The following NCOA6 variants were observed in gnomAD, a reference collection of about 807,000 sequenced individuals.
NCOA6 encodes the protein NRC RAP250.
Under a neutral mutation model 171.4 loss-of-function variants are expected in NCOA6, and 49 were observed. The observed-to-expected ratio is 0.29, with a 90% CI of 0.23 to 0.36. The LOEUF (loss-of-function observed/expected upper bound fraction) is 0.36. Among genes scored for constraint, NCOA6 ranks in the 10% least tolerant of loss-of-function variants. The probability of loss-of-function intolerance (pLI) is 1.00; values close to 1 mark genes in which losing one functional copy is unlikely to be tolerated. For missense variants in NCOA6, 2,248 were observed against 2,554.5 expected (o/e 0.88, Z 2.59); for synonymous variants, 910 against 927.5 (o/e 0.98, Z 0.34).
At chr20:34,724,987 C>T (rs947905437) in intron 14 of NCOA6, among the ~76,000 whole-genome samples, 3 of 152,056 alleles carry the variant, frequency 2.0e-5, no homozygotes, top group African/African-American at 4.8e-5. Flanking sequence ...GGGGGTTTCA[C>T]CATGTTGGTC....
intron 1 of NCOA6, among the ~76,000 whole-genome samples, chr20:34,807,074 T>C (rs943013785): frequency 6.6e-6 from 1 of 152,202 alleles, no homozygotes; most frequent in African/African-American, 2.4e-5. Context: ...GAAAATGTGA[T>C]AGGATGCCAC....
intron 3 of NCOA6, 86 bp downstream of exon 3, chr20:34,782,035 C>T: frequency 1.0e-6 from 1 of 967,128 alleles, no homozygotes. Flanking sequence ...ATTTAACAAG[C>T]TTGTTTTGTA....
Position 34,728,815 on chromosome 20 carries a change from A to T in NCOA6, c.6000-1408T>A, listed in dbSNP as rs531408774. The stretch of plus-strand genomic sequence containing the variant: ...TTGTAGATTATTTAATGACAAAACG[A>T]TTTATGACACATTACCAAGTGGGAA... On this transcript the variant is annotated intron_variant, in intron 13 of 14. Coordinates refer to ENST00000359003, the MANE Select transcript of NCOA6 (RefSeq NM_014071.5). Among the ~76,000 whole-genome samples the T allele has an allele frequency of 2.0e-5, 3 of 152,348 alleles. No homozygotes were observed. The South Asian group carries it at 6.2e-4, about 32-fold the overall frequency.
In NCOA6 at chr20:34,742,784, G is replaced by C. The variant is rs763690019; in HGVS notation, c.3472C>G (p.Gln1158Glu). ...GGCCCTGTCATCATTAACTGATTCT[G>C]GGGAAGTACTACATGTGAAGGCATG... The part of the protein sequence containing the change: ...NNMPSHVVLP[Q>E]NQLMMTGPKP... Residue 1158 changes from glutamine to glutamate, a missense_variant, in exon 11 of 15, where the codon CAG (glutamine) becomes GAG (glutamate). Coordinates refer to ENST00000359003, the MANE Select transcript of NCOA6 (RefSeq NM_014071.5). The C allele has an allele frequency of 3.1e-6, 5 of 1,614,042 alleles. No homozygotes were observed. In the Admixed American group the frequency reaches 8.3e-5, roughly 27 times the overall value.
intron 1 of NCOA6, among the ~76,000 whole-genome samples, chr20:34,798,530 CT>C (rs2078156604): frequency 6.6e-6 from 1 of 152,212 alleles, no homozygotes; most frequent in South Asian, 2.1e-4. Flanking sequence ...CAGTGCTGTG[CT>C]GGCTTTAGGT....
intron 3 of NCOA6, chr20:34,776,791 T>C (rs758753353): frequency 3.4e-5 from 16 of 470,094 alleles, no homozygotes; most frequent in Non-Finnish European, 6.8e-5. Context: ...CGGAAAGCCG[T>C]AAGATGGAGA....
chr20:34,803,380 A>G (rs1303668152), intron 1 of NCOA6, among the ~76,000 whole-genome samples: 1 of 151,734 alleles, frequency 6.6e-6, no homozygotes, highest in Non-Finnish European at 1.5e-5. Flanking sequence ...AGGCAGGAGA[A>G]TCACATGAAC....
intron 2 of NCOA6, among the ~76,000 whole-genome samples, chr20:34,790,476 T>A (rs888521422): frequency 2.0e-5 from 3 of 151,948 alleles, no homozygotes; most frequent in African/African-American, 7.3e-5. Context: ...TGCCTCAACC[T>A]CCCGAGCAGC....
chr20:34,824,958 C>T (rs527570431), intron 1 of NCOA6, among the ~76,000 whole-genome samples: 163 of 152,276 alleles, frequency 1.1e-3, no homozygotes, highest in African/African-American at 3.8e-3. Context: ...GCCTCCACCC[C>T]AATCCCCAGG....
intron 5 of NCOA6, among the ~76,000 whole-genome samples, chr20:34,764,232 C>T (rs1050268052): frequency 2.0e-5 from 3 of 151,950 alleles, no homozygotes; most frequent in Admixed American, 1.3e-4. Context: ...GGACTACAGG[C>T]GTCCGCCACC....
chr20:34,784,503 G>A (rs747835002), intron 2 of NCOA6, among the ~76,000 whole-genome samples: 2 of 152,146 alleles, frequency 1.3e-5, no homozygotes, highest in African/African-American at 2.4e-5. Context: ...TGGGATTACA[G>A]GCATGAGCTA....
At chr20:34,764,434 C>T (rs1036511287) in intron 5 of NCOA6, among the ~76,000 whole-genome samples, 4 of 152,122 alleles carry the variant, frequency 2.6e-5, no homozygotes, top group East Asian at 3.9e-4. Flanking sequence ...TGGCTCACGC[C>T]TGTAATTCCA....
Position 34,715,184 on chromosome 20 carries a change from G to A in NCOA6, c.*138C>T. The A allele has an allele frequency of 9.0e-7, 1 of 1,108,444 alleles. No homozygotes were observed. The highest frequency in any genetic ancestry group is 1.5e-5 in the African/African-American group (1 of 65,054). 68.7% of individuals were successfully genotyped at this position (1,108,444 alleles called of 1,614,324 possible). On this transcript the variant is annotated 3_prime_UTR_variant, in exon 15 of 15. Transcript: ENST00000359003. ...TTTCCCCATTGCACTTTATGAAACAGGTTGCAGGGACTAGGAAAAGGGCCA... is the reference window on the plus strand; with the variant it reads ...TTTCCCCATTGCACTTTATGAAACAAGTTGCAGGGACTAGGAAAAGGGCCA...
intron 5 of NCOA6, among the ~76,000 whole-genome samples, chr20:34,764,841 C>T (rs1183270837): frequency 3.3e-5 from 5 of 151,754 alleles, no homozygotes; most frequent in South Asian, 4.2e-4. Flanking sequence ...GGGCTTGGTG[C>T]GGTGGCTCAC....
Position 34,742,035 on chromosome 20 carries a change from T to G in NCOA6, c.4221A>C (p.Ala1407=). 2 of 1,614,162 alleles carry G rather than the reference T, an allele frequency of 1.2e-6. No individual in the cohort carries two copies. Among genetic ancestry groups the G allele is most frequent in the Non-Finnish European group, 1.7e-6 (2 of 1,180,022 alleles). ...NPQNSTVSVA[A]VGGVVEDNKE... ...TGTTATCCTCAACAACACCCCCAAC[T>G]GCAGCCACAGACACAGTAGAATTCT... Residue 1407 remains alanine, a synonymous_variant, in exon 11 of 15, where the codon GCA becomes GCC. Transcript: ENST00000359003.
rs371930057 is a variant in NCOA6 at position 34,742,143 on chromosome 20, C to T, written c.4113G>A (p.Pro1371=). 2.1e-5 allele frequency: 34 copies of T among 1,614,026 alleles called. No individual in the cohort carries two copies. Among genetic ancestry groups the T allele is most frequent in the African/African-American group, 1.9e-4 (14 of 74,910 alleles). ...GAGTGGGACTGACCAATACATTTCTCGGCAACTCCACATTCTGCAATAGGG... is the reference window on the plus strand; with the variant it reads ...GAGTGGGACTGACCAATACATTTCTTGGCAACTCCACATTCTGCAATAGGG... ...NAALLQNVEL[P]RNVLVSPTPL... The change falls in exon 11 of 15, where the codon CCG becomes CCA. Residue 1371 remains proline (P), a synonymous_variant. Transcript: ENST00000359003.
At chr20:34,746,698 G>C in intron 10 of NCOA6, 109 bp downstream of exon 10, 1 of 1,243,216 alleles carries the variant, frequency 8.0e-7, no homozygotes. Context: ...CACTGAAGTA[G>C]ACTAGTTAGC....
intron 1 of NCOA6, among the ~76,000 whole-genome samples, chr20:34,818,208 T>G (rs1457460181): frequency 6.6e-6 from 1 of 152,204 alleles, no homozygotes; most frequent in Admixed American, 6.5e-5. Context: ...TGTGAGCCAT[T>G]GGCCAGGCAT....
rs150972811 is a variant in NCOA6 at position 34,757,766 on chromosome 20, G to A, written c.982C>T (p.Pro328Ser). Residue 328 changes from proline (P) to serine (S), a missense_variant, in exon 7 of 15, where the codon CCT (proline) becomes TCT (serine). Pro to Ser is a moderately conservative substitution (Grantham distance 74, BLOSUM62 -1). This residue lies in a region of NCOA6 where 987 missense variants were observed against 1,104.7 expected (regional missense o/e 0.89). Coordinates refer to ENST00000359003, the MANE Select transcript of NCOA6 (RefSeq NM_014071.5). ...WNQLPSGALQPPPAQGSLGTM... is the reference protein window; with the variant it reads ...WNQLPSGALQSPPAQGSLGTM... The stretch of plus-strand genomic sequence containing the variant: ...CCCAGAGAACCCTGGGCTGGAGGAG[G>A]TTGAAGGGCTCCAGAAGGCAGCTGG... The A allele has an allele frequency of 8.1e-6, 13 of 1,614,052 alleles. No individual in the cohort carries two copies. The highest frequency in any genetic ancestry group is 1.1e-5 in the Non-Finnish European group (13 of 1,180,028).
Sources: gnomAD v4.1 joint callset for allele counts (sites outside exome capture counted in the v4.1 genomes callset) on GRCh38, gnomAD v4.1.1 for gene constraint, gnomAD v4.1.1 regional missense constraint, MANE v1.5 for transcripts, NCBI Gene and HGNC (gene_info 2026-07-23, HGNC 2026-07-21) for gene names.